Variants in C8orf34 observed in about 807,000 individuals in gnomAD.
The protein encoded by C8orf34 is chromosome 8 open reading frame 34, also known as uncharacterized protein C8orf34.
Under a neutral mutation model 68.3 loss-of-function variants are expected in C8orf34, and 65 were observed. The observed-to-expected ratio is 0.95, with a 90% confidence interval of 0.78 to 1.17. C8orf34 has a LOEUF of 1.17. Ranked by LOEUF, C8orf34 falls within the 50% of genes most tolerant of loss-of-function variation. C8orf34 has a pLI of 0.00. For synonymous variants in C8orf34, 244 were observed against 241.2 expected, an observed-to-expected ratio of 1.01 and a Z score of -0.11; for missense variants, 664 against 655.4, an observed-to-expected ratio of 1.01 and a Z score of -0.14.
intron 4 of C8orf34, among the ~76,000 whole-genome samples, chr8:68,481,832 A>T (rs2129631105): frequency 6.6e-6 from 1 of 152,306 alleles, no homozygotes; most frequent in South Asian, 2.1e-4. Flanking sequence ...TTTTGATTTT[A>T]CAGGCTCATA....
At position 68,336,201 on chromosome 8, in the gene C8orf34, A is replaced by G. The variant is rs116316518; in HGVS notation, c.327+4862A>G. ...TAGGCTTTCCTCCCTTTTTTTTTTC[A>G]TAATTCAATTAAGAAGCCATGAACC... On this transcript the variant is annotated intron_variant, in intron 1 of 13. Coordinates refer to ENST00000518698, the MANE Select transcript of C8orf34 (RefSeq NM_052958.4). Among the ~76,000 whole-genome samples, 345 of 150,952 alleles carry G rather than the reference A, an allele frequency of 2.3e-3. 1 individual carries two copies. Among genetic ancestry groups the G allele is most frequent in the African/African-American group, 7.9e-3 (324 of 41,038 alleles).
intron 12 of C8orf34, among the ~76,000 whole-genome samples, chr8:68,801,631 G>A (rs1824329801): frequency 6.6e-6 from 1 of 152,146 alleles, no homozygotes; most frequent in Non-Finnish European, 1.5e-5. Context: ...CTAACCAGCA[G>A]CTTCTTTCAC....
intron 7 of C8orf34, chr8:68,625,705 G>A (rs765600705): frequency 3.1e-6 from 2 of 652,880 alleles, no homozygotes; most frequent in African/African-American, 3.6e-5. Flanking sequence ...GGGAGTGTGA[G>A]TTGGCAACTA....
At chr8:68,645,193 T>G (rs1819128382) in intron 8 of C8orf34, among the ~76,000 whole-genome samples, 2 of 152,132 alleles carry the variant, frequency 1.3e-5, no homozygotes, top group African/African-American at 4.8e-5. Context: ...TAGGGAAAGC[T>G]CTTAAAAGCT....
chr8:68,473,491 A>T (rs748056760), intron 4 of C8orf34, among the ~76,000 whole-genome samples: 1 of 152,172 alleles, frequency 6.6e-6, no homozygotes, highest in Non-Finnish European at 1.5e-5. Flanking sequence ...GAACATCCCT[A>T]GTCCCAGATA....
chr8:68,730,180 C>A (rs987663618), intron 10 of C8orf34, among the ~76,000 whole-genome samples: 1 of 152,058 alleles, frequency 6.6e-6, no homozygotes. Context: ...TATAATCTCA[C>A]CAAATAGAAG....
intron 7 of C8orf34, among the ~76,000 whole-genome samples, chr8:68,548,294 A>G (rs771231457): frequency 1.3e-5 from 2 of 151,846 alleles, no homozygotes; most frequent in Non-Finnish European, 3.0e-5. Context: ...TTAAAATCTG[A>G]CAAATGTGTA....
chr8:68,733,545 C>T (rs1822041904), intron 10 of C8orf34, among the ~76,000 whole-genome samples: 1 of 152,108 alleles, frequency 6.6e-6, no homozygotes, highest in African/African-American at 2.4e-5. Context: ...CAATAACTAG[C>T]TGTTCTAAAG....
At chr8:68,653,491 T>TA (rs34037299) in intron 8 of C8orf34, among the ~76,000 whole-genome samples, 11 of 152,156 alleles carry the variant, frequency 7.2e-5, no homozygotes, top group African/African-American at 1.9e-4. Context: ...TTGCCTGCTA[T>TA]AAAAAAAGTA....
At chr8:68,591,035 C>G (rs1817373633) in intron 7 of C8orf34, among the ~76,000 whole-genome samples, 1 of 152,264 alleles carries the variant, frequency 6.6e-6, no homozygotes, top group East Asian at 1.9e-4. Flanking sequence ...CATGAGAAAC[C>G]TATGTCGATT....
At chr8:68,515,933 A>G (rs1194457172) in intron 5 of C8orf34, among the ~76,000 whole-genome samples, 1 of 152,234 alleles carries the variant, frequency 6.6e-6, no homozygotes, top group East Asian at 1.9e-4. Flanking sequence ...TTACATTACC[A>G]TCTTTAATCC....
intron 1 of C8orf34, among the ~76,000 whole-genome samples, chr8:68,391,834 C>G (rs2243700): frequency 6.6e-6 from 1 of 152,060 alleles, no homozygotes; most frequent in African/African-American, 2.4e-5. Flanking sequence ...AGACTCCTGC[C>G]GAGAGTGACA....
intron 12 of C8orf34, among the ~76,000 whole-genome samples, chr8:68,802,470 C>T (rs1312252739): frequency 1.3e-5 from 2 of 152,162 alleles, no homozygotes; most frequent in Non-Finnish European, 2.9e-5. Context: ...TATTTAATCA[C>T]TCTTCTACAG....
chr8:68,678,973 G>GA (rs1350587372), intron 8 of C8orf34, among the ~76,000 whole-genome samples: 1 of 151,760 alleles, frequency 6.6e-6, no homozygotes, highest in East Asian at 1.9e-4. Context: ...TGAACAATCT[G>GA]AAAAAGAAAT....
intron 8 of C8orf34, among the ~76,000 whole-genome samples, chr8:68,645,097 C>A (rs1397261097): frequency 6.6e-6 from 1 of 152,022 alleles, no homozygotes; most frequent in Non-Finnish European, 1.5e-5. Flanking sequence ...AGAGTTTACA[C>A]AAAGGTAGAA....
At chr8:68,607,077 C>T (rs1219770242) in intron 7 of C8orf34, among the ~76,000 whole-genome samples, 2 of 152,002 alleles carry the variant, frequency 1.3e-5, no homozygotes, top group Admixed American at 6.6e-5. Flanking sequence ...TGTTTCTTAT[C>T]GTCAATCAGA....
At chr8:68,481,640 T>A (rs550527218) in intron 4 of C8orf34, among the ~76,000 whole-genome samples, 1 of 152,220 alleles carries the variant, frequency 6.6e-6, no homozygotes, top group Non-Finnish European at 1.5e-5. Context: ...ATATGAGACC[T>A]GGAGTTAAAG....
intron 4 of C8orf34, among the ~76,000 whole-genome samples, chr8:68,476,889 A>G (rs898021113): frequency 6.6e-6 from 1 of 152,246 alleles, no homozygotes; most frequent in African/African-American, 2.4e-5. Flanking sequence ...GTTGCTTATC[A>G]CAAAAGAATG....
At chr8:68,503,292 A>T (rs1189963606) in intron 5 of C8orf34, among the ~76,000 whole-genome samples, 6 of 152,150 alleles carry the variant, frequency 3.9e-5, no homozygotes, top group Admixed American at 3.3e-4. Flanking sequence ...TTTACCAAAA[A>T]AAAGTACATA....
Sources: allele counts gnomAD v4.1 joint callset (sites outside exome capture counted in the v4.1 genomes callset), GRCh38; gene constraint gnomAD v4.1.1; transcripts MANE v1.5; gene names NCBI Gene and HGNC (gene_info 2026-07-23, HGNC 2026-07-21).